Variants in CNTN5 observed in about 807,000 individuals in gnomAD.
CNTN5 encodes the protein contactin 5.
Under a neutral mutation model 129.1 loss-of-function variants are expected in CNTN5, and 77 were observed. The observed-to-expected ratio is 0.60, with a 90% CI of 0.50 to 0.72. The LOEUF is 0.72. CNTN5 is among the 30% of genes least tolerant of loss of function. The pLI, the probability that CNTN5 is intolerant of heterozygous loss-of-function variation, is 0.00. For missense variants in CNTN5, 1,478 were observed against 1,328.8 expected (o/e 1.11, Z -1.75); for synonymous variants, 509 against 465.6 (o/e 1.09, Z -1.20).
intron 1 of CNTN5, among the ~76,000 whole-genome samples, chr11:99,284,361 A>G (rs1863830207): frequency 1.3e-5 from 2 of 152,112 alleles, no homozygotes; most frequent in African/African-American, 2.4e-5. Flanking sequence ...TTTATTTTAA[A>G]TTATATATCA....
intron 2 of CNTN5, among the ~76,000 whole-genome samples, chr11:99,347,179 C>T (rs997598902): frequency 6.6e-6 from 1 of 152,182 alleles, no homozygotes; most frequent in Admixed American, 6.5e-5. Flanking sequence ...AGTTCAATCA[C>T]AATCCTGGTT....
intron 3 of CNTN5, among the ~76,000 whole-genome samples, chr11:99,770,560 ATC>A (rs1278196382): frequency 1.3e-5 from 2 of 152,022 alleles, no homozygotes; most frequent in Non-Finnish European, 2.9e-5. Flanking sequence ...TTATGTCAAT[ATC>A]TCATAGTTTT....
intron 2 of CNTN5, among the ~76,000 whole-genome samples, chr11:99,388,017 T>C (rs1468654271): frequency 2.0e-5 from 3 of 152,158 alleles, no homozygotes; most frequent in African/African-American, 7.2e-5. Context: ...GAACCCTCTC[T>C]CTATTCTTAC....
At chr11:99,566,263 T>G (rs1044908592) in intron 3 of CNTN5, among the ~76,000 whole-genome samples, 1 of 152,174 alleles carries the variant, frequency 6.6e-6, no homozygotes, top group Non-Finnish European at 1.5e-5. Flanking sequence ...GCTCTCACCC[T>G]GTGATACACC....
chr11:100,074,625 T>G (rs2137891228), intron 13 of CNTN5, among the ~76,000 whole-genome samples: 1 of 152,300 alleles, frequency 6.6e-6, no homozygotes, highest in African/African-American at 2.4e-5. Context: ...GTGATAATTT[T>G]TAAGCATTGT....
intron 9 of CNTN5, among the ~76,000 whole-genome samples, chr11:100,056,717 A>G (rs1464910704): frequency 1.3e-5 from 2 of 151,698 alleles, no homozygotes; most frequent in Admixed American, 1.3e-4. Context: ...ATGAAAATAA[A>G]GAGGACATAG....
chr11:99,428,329 G>T (rs937131668), intron 2 of CNTN5, among the ~76,000 whole-genome samples: 1 of 151,976 alleles, frequency 6.6e-6, no homozygotes. Flanking sequence ...GAGGGCCAAG[G>T]TGGGTGGATC....
chr11:100,147,950 T>G (rs1418817847), intron 13 of CNTN5, among the ~76,000 whole-genome samples: 1 of 152,160 alleles, frequency 6.6e-6, no homozygotes, highest in Non-Finnish European at 1.5e-5. Flanking sequence ...TTTGAAACCC[T>G]AAAGCTTTTA....
At chr11:99,307,019 T>G (rs1318696995) in intron 1 of CNTN5, among the ~76,000 whole-genome samples, 1 of 152,094 alleles carries the variant, frequency 6.6e-6, no homozygotes, top group Non-Finnish European at 1.5e-5. Flanking sequence ...CTATTAGCAT[T>G]CAAATTAGAA....
chr11:99,999,442 C>G (rs1939705826), intron 8 of CNTN5, among the ~76,000 whole-genome samples: 1 of 152,188 alleles, frequency 6.6e-6, no homozygotes, highest in African/African-American at 2.4e-5. Flanking sequence ...AAATGCAAAT[C>G]AAAACCACAA....
At chr11:100,303,193 C>T (rs955225955) in intron 20 of CNTN5, among the ~76,000 whole-genome samples, 13 of 151,334 alleles carry the variant, frequency 8.6e-5, no homozygotes, top group Admixed American at 3.3e-4. Flanking sequence ...TCCTTTAAAC[C>T]GAGCAAGGTT....
intron 2 of CNTN5, among the ~76,000 whole-genome samples, chr11:99,336,743 G>A (rs180717828): frequency 6.7e-4 from 102 of 151,916 alleles, no homozygotes; most frequent in Middle Eastern, 3.4e-3. Flanking sequence ...CAGGAGAATC[G>A]CTTGAACCCA....
intron 1 of CNTN5, among the ~76,000 whole-genome samples, chr11:99,134,465 A>T (rs1859117607): frequency 6.6e-6 from 1 of 152,232 alleles, no homozygotes; most frequent in Non-Finnish European, 1.5e-5. Context: ...ATTTACAATT[A>T]GAATATATTA....
Position 100,081,231 on chromosome 11 carries a change from T to G in CNTN5, c.1580+6937T>G, listed in dbSNP as rs116795667. ...AAATATAAAAGGAAAGAAAACACAG[T>G]CATAGCAGCATTGGAAATTAAGAAT... On this transcript the variant is annotated intron_variant, in intron 13 of 24. Transcript: ENST00000524871. 7.6e-3 allele frequency among the ~76,000 whole-genome samples: 1,160 copies of G among 152,212 alleles called. 14 individuals are homozygous for G. The highest frequency in any genetic ancestry group is 0.026 in the African/African-American group (1,101 of 41,548).
At chr11:99,294,921 CA>C (rs1864318702) in intron 1 of CNTN5, among the ~76,000 whole-genome samples, 1 of 152,152 alleles carries the variant, frequency 6.6e-6, no homozygotes, top group African/African-American at 2.4e-5. Flanking sequence ...TTTTCACTTA[CA>C]TGAGATTGTG....
At chr11:99,348,660 C>T (rs990926061) in intron 2 of CNTN5, among the ~76,000 whole-genome samples, 2 of 152,178 alleles carry the variant, frequency 1.3e-5, no homozygotes, top group African/African-American at 4.8e-5. Context: ...ACCAGTTAGA[C>T]ATGGTCTACT....
intron 1 of CNTN5, among the ~76,000 whole-genome samples, chr11:99,057,918 T>G (rs6589874): frequency 6.6e-6 from 1 of 151,696 alleles, no homozygotes; most frequent in Non-Finnish European, 1.5e-5. Context: ...GAAGGTTGTA[T>G]TTAAACAGAC....
intron 6 of CNTN5, among the ~76,000 whole-genome samples, chr11:99,867,934 G>T (rs572873679): frequency 3.7e-4 from 56 of 152,240 alleles, no homozygotes; most frequent in Non-Finnish European, 1.6e-4. Context: ...CATAAAACTG[G>T]CCAAGCGCGG....
At position 99,209,600 on chromosome 11, in the gene CNTN5, T is replaced by C. The variant is rs116022891; in HGVS notation, c.-209-115746T>C. On this transcript the variant is annotated intron_variant, in intron 1 of 24. Coordinates refer to ENST00000524871, the MANE Select transcript of CNTN5 (RefSeq NM_014361.4). The stretch of plus-strand genomic sequence containing the variant: ...CTCACTTCCAACAATGGGGATTACA[T>C]TGCAACAGGAGATTTGAAGAGAACA... Among the ~76,000 whole-genome samples, 645 of 152,268 alleles carry C rather than the reference T, an allele frequency of 4.2e-3. 6 individuals carry two copies. The highest frequency in any genetic ancestry group is 0.013 in the African/African-American group (544 of 41,558).
Sources: gnomAD v4.1 joint callset for allele counts (sites outside exome capture counted in the v4.1 genomes callset) on GRCh38, gnomAD v4.1.1 for gene constraint, MANE v1.5 for transcripts, NCBI Gene and HGNC (gene_info 2026-07-23, HGNC 2026-07-21) for gene names.